The following NLGN1 variants were observed in gnomAD, a reference collection of about 807,000 sequenced individuals.
NLGN1 encodes neuroligin-1.
Under a neutral mutation model 65.5 loss-of-function variants are expected in NLGN1, and 12 were observed. The ratio of observed to expected loss-of-function variants is 0.18; its 90% confidence interval spans 0.12 to 0.30. The LOEUF is 0.30. Ranked by LOEUF, NLGN1 falls within the 10% of genes least tolerant of loss-of-function variation. The pLI is 1.00. For missense variants in NLGN1, 750 were observed against 1,007.1 expected (o/e 0.74, Z 3.46); for synonymous variants, 350 against 359.5 (o/e 0.97, Z 0.30).
intron 4 of NLGN1, among the ~76,000 whole-genome samples, chr3:174,066,564 C>CTCTCTCTGTGTGTG (rs1553925385): frequency 1.0e-5 from 1 of 100,050 alleles, no homozygotes; most frequent in African/African-American, 4.1e-5. Flanking sequence ...CTCTCTCTCT[C>CTCTCTCTGTGTGTG]TGTGTGTGTG....
At chr3:174,104,113 T>G (rs902057854) in intron 4 of NLGN1, among the ~76,000 whole-genome samples, 1 of 152,154 alleles carries the variant, frequency 6.6e-6, no homozygotes, top group Non-Finnish European at 1.5e-5. Flanking sequence ...TTCTCTTTTC[T>G]CCTTTCAGGT....
At chr3:174,017,388 C>A (rs1726797029) in intron 4 of NLGN1, among the ~76,000 whole-genome samples, 1 of 152,086 alleles carries the variant, frequency 6.6e-6, no homozygotes, top group Admixed American at 6.6e-5. Context: ...TATAGTAAAT[C>A]ATTTCTTTGA....
chr3:173,795,055 A>T (rs1713734547), intron 3 of NLGN1, among the ~76,000 whole-genome samples: 1 of 152,050 alleles, frequency 6.6e-6, no homozygotes, highest in East Asian at 1.9e-4. Context: ...GTCTTCTTCC[A>T]ACACAAAACT....
chr3:173,620,774 A>C (rs1191675027), intron 3 of NLGN1, among the ~76,000 whole-genome samples: 1 of 152,144 alleles, frequency 6.6e-6, no homozygotes, highest in African/African-American at 2.4e-5. Flanking sequence ...GGAAAGAATC[A>C]TAACTCTGCA....
At chr3:174,285,145 T>A (rs1577823374) in exon 7 of NLGN1, 1 of 151,540 alleles carries the variant, frequency 6.6e-6, no homozygotes, top group Non-Finnish European at 1.5e-5. Flanking sequence ...TAGAAATTAC[T>A]GGGATTCTTT....
intron 3 of NLGN1, among the ~76,000 whole-genome samples, chr3:173,769,575 G>A (rs1390547005): frequency 6.6e-6 from 1 of 152,158 alleles, no homozygotes. Context: ...GCCCTTCTAG[G>A]TGCTTATCTC....
intron 3 of NLGN1, among the ~76,000 whole-genome samples, chr3:173,669,993 G>T (rs1281879498): frequency 6.6e-6 from 1 of 152,152 alleles, no homozygotes; most frequent in Non-Finnish European, 1.5e-5. Flanking sequence ...GAATATGCAT[G>T]TCTGAAATTT....
chr3:173,734,381 A>ATTTTTTTT (rs71162356), intron 3 of NLGN1, among the ~76,000 whole-genome samples: 687 of 40,094 alleles, frequency 0.017, 57 homozygotes, highest in East Asian at 0.035. Flanking sequence ...GGATAATTCT[A>ATTTTTTTT]TTTTTTTTTT....
At chr3:173,588,348 T>TATAA (rs374824357) in intron 2 of NLGN1, among the ~76,000 whole-genome samples, 1,592 of 152,262 alleles carry the variant, frequency 0.01, 38 homozygotes, top group African/African-American at 0.037. Context: ...GTTCTGTTAT[T>TATAA]AATGAAATAA....
chr3:174,043,745 A>G (rs1042642737), intron 4 of NLGN1, among the ~76,000 whole-genome samples: 2 of 152,186 alleles, frequency 1.3e-5, no homozygotes, highest in African/African-American at 4.8e-5. Flanking sequence ...ACACAGTGCA[A>G]GCTGTTGGTG....
intron 1 of NLGN1, among the ~76,000 whole-genome samples, chr3:173,429,029 A>G (rs1716688729): frequency 6.6e-6 from 1 of 151,908 alleles, no homozygotes; most frequent in South Asian, 2.1e-4. Context: ...TAGTATCTGG[A>G]TAATCTTTCT....
chr3:173,721,260 G>T lies in NLGN1; in HGVS notation c.494-86420G>T, dbSNP rs1330021046. The stretch of plus-strand genomic sequence containing the variant: ...GGTGAAAATGAGCTTGGTGTTGACT[G>T]TCCTCACCGAGGTGACCTTGTGTCC... On this transcript the variant is annotated intron_variant, in intron 3 of 6. Coordinates refer to ENST00000457714, the Ensembl canonical transcript of NLGN1. Among the ~76,000 whole-genome samples, 14 of 152,318 alleles carry T rather than the reference G, an allele frequency of 9.2e-5. No individual in the cohort carries two copies. In the South Asian group the frequency reaches 2.1e-3, roughly 23 times the overall value.
At chr3:173,776,358 TA>T (rs1449423580) in intron 3 of NLGN1, among the ~76,000 whole-genome samples, 3 of 152,064 alleles carry the variant, frequency 2.0e-5, no homozygotes, top group Admixed American at 6.6e-5. Context: ...TGAGATAGGT[TA>T]AATGAACCAT....
chr3:173,423,186 C>T (rs1322705705), intron 1 of NLGN1, among the ~76,000 whole-genome samples: 1 of 152,118 alleles, frequency 6.6e-6, no homozygotes, highest in East Asian at 1.9e-4. Context: ...GGAAACTGCC[C>T]CTGTGATCTA....
chr3:173,671,075 CAT>C (rs1470878770), intron 3 of NLGN1, among the ~76,000 whole-genome samples: 1 of 152,182 alleles, frequency 6.6e-6, no homozygotes, highest in Non-Finnish European at 1.5e-5. Flanking sequence ...ACACTCTTCA[CAT>C]ATATACTATT....
intron 1 of NLGN1, among the ~76,000 whole-genome samples, chr3:173,420,278 C>T (rs371501716): frequency 6.6e-6 from 1 of 151,984 alleles, no homozygotes. Context: ...TTCCTGTGTC[C>T]ATGTGTTCTC....
intron 4 of NLGN1, among the ~76,000 whole-genome samples, chr3:174,149,648 A>G (rs564826595): frequency 6.6e-6 from 1 of 152,280 alleles, no homozygotes; most frequent in African/African-American, 2.4e-5. Flanking sequence ...TAATGTAGCC[A>G]TTAAAGAAAT....
intron 4 of NLGN1, among the ~76,000 whole-genome samples, chr3:174,176,392 C>A (rs544324509): frequency 0.015 from 2,305 of 149,392 alleles, 54 homozygotes; most frequent in African/African-American, 0.054. Flanking sequence ...TTTATAGATG[C>A]AAAAAAAAAT....
At chr3:174,127,309 A>G (rs749116229) in intron 4 of NLGN1, among the ~76,000 whole-genome samples, 19 of 152,136 alleles carry the variant, frequency 1.2e-4, no homozygotes, top group Non-Finnish European at 2.8e-4. Context: ...GTAGAGTGGA[A>G]CCATGTGATC....
Sources: allele counts gnomAD v4.1 joint callset (sites outside exome capture counted in the v4.1 genomes callset), GRCh38; gene constraint gnomAD v4.1.1; transcripts MANE v1.5; gene names NCBI Gene and HGNC (gene_info 2026-07-23, HGNC 2026-07-21).